Variants in CTNNB1 observed in about 807,000 individuals in gnomAD.
CTNNB1 encodes the protein catenin beta 1.
A neutral mutation model predicts 82.5 loss-of-function variants in CTNNB1; 6 were observed. The ratio of observed to expected loss-of-function variants is 0.07; its 90% CI spans 0.04 to 0.14. The LOEUF (loss-of-function observed/expected upper bound fraction) is 0.14. Ranked by LOEUF, CTNNB1 falls within the 10% of genes least tolerant of loss-of-function variation. The probability of loss-of-function intolerance (pLI) is 1.00; values close to 1 mark genes in which losing one functional copy is unlikely to be tolerated. For synonymous variants in CTNNB1, 312 were observed against 329.7 expected, an observed-to-expected ratio of 0.95 and a Z score of 0.58; for missense variants, 529 against 980.4, an observed-to-expected ratio of 0.54 and a Z score of 6.15.
At chr3:41,234,085 G>A in intron 9 of CTNNB1, 54 bp from the exon 10 acceptor site, 6 of 1,609,124 alleles carry the variant, frequency 3.7e-6, no homozygotes, top group Non-Finnish European at 5.1e-6. Flanking sequence ...GGAATTTTAG[G>A]GTAAGAAAAT....
chr3:41,211,103 T>C (rs571461938), intron 1 of CTNNB1: 7 of 456,422 alleles, frequency 1.5e-5, no homozygotes, highest in Admixed American at 1.2e-4. Context: ...CACTGTACTT[T>C]TATACAACTG....
At position 41,233,329 on chromosome 3, in the gene CTNNB1, T is replaced by C. The variant is rs184388106; in HGVS notation, c.1082-12T>C. 3 of 1,613,406 alleles carry C rather than the reference T, an allele frequency of 1.9e-6. No homozygotes were observed. In the African/African-American group the frequency reaches 4.0e-5, roughly 22 times the overall value. On this transcript the variant is annotated splice_polypyrimidine_tract_variant and intron_variant, in intron 7 of 14. Coordinates refer to ENST00000349496, the MANE Select transcript of CTNNB1 (RefSeq NM_001904.4). The stretch of plus-strand genomic sequence containing the variant: ...TAATGACTAGGGCCTTATATCCTTT[T>C]TAATTTTCTAGGTGGAATGCAAGCT...
At chr3:41,229,876 C>CTG (rs58153157) in intron 7 of CTNNB1, among the ~76,000 whole-genome samples, 8,019 of 147,138 alleles carry the variant, frequency 0.054, 247 homozygotes, top group African/African-American at 0.083. Context: ...CTCTTGGGTT[C>CTG]TGTGTGTGTG....
rs147423505 is a variant in CTNNB1, at chr3:41,207,192, A to G, written c.-49+7522A>G. 1.4e-3 allele frequency among the ~76,000 whole-genome samples: 216 copies of G among 152,314 alleles called. 1 individual carries two copies. The highest frequency in any genetic ancestry group is 4.8e-3 in the African/African-American group (198 of 41,560). ...AGGCTAGAAAGTTTACAGATGAGAT[A>G]TCTAGGAATGCCAGAAGATCAGGGG... On this transcript the variant is annotated intron_variant, in intron 1 of 14. Transcript: ENST00000349496.
rs924236044 is a variant in CTNNB1 at position 41,236,254 on chromosome 3, T to C, written c.1804-95T>C. The C allele has an allele frequency of 3.5e-6, 5 of 1,419,608 alleles. No homozygotes were observed. The African/African-American group carries it at 7.0e-5, about 20-fold the overall frequency. 87.9% of individuals were successfully genotyped at this position (1,419,608 alleles called of 1,614,324 possible). A position where few individuals can be genotyped will look rare whatever the true frequency, so the allele number is the denominator to read the frequency against. ...TTATTTACTACAGTGTGAATGCCTC[T>C]TGCACTCTGAATTGGGAATGTTTGC... On this transcript the variant is annotated intron_variant, in intron 11 of 14. Transcript: ENST00000349496.
At position 41,239,921 on chromosome 3, in the gene CTNNB1, ATTTTTTTTTT is replaced by A. The variant is rs34653633; in HGVS notation, c.*589_*598del. On this transcript the variant is annotated 3_prime_UTR_variant, in exon 15 of 15. Coordinates refer to ENST00000349496, the MANE Select transcript of CTNNB1 (RefSeq NM_001904.4). ...ATCAAACCCTAGCCTTGCTTGTTAA[ATTTTTTTTTT>A]TTTTTTTTTAAGAATATCTGTAATG... is the stretch of plus-strand genomic sequence containing the variant. The A allele has an allele frequency of 6.5e-6, 1 of 154,902 alleles. No homozygotes were observed. The highest frequency in any genetic ancestry group is 1.3e-5 in the Non-Finnish European group (1 of 78,602). 9.6% of individuals were successfully genotyped at this position (154,902 alleles called of 1,614,324 possible).
intron 1 of CTNNB1, among the ~76,000 whole-genome samples, chr3:41,218,986 G>A (rs1014508964): frequency 6.6e-6 from 1 of 152,188 alleles, no homozygotes; most frequent in African/African-American, 2.4e-5. Context: ...TAAACTATAT[G>A]AAGCATTGTT....
chr3:41,200,832 A>C (rs1271314087), intron 1 of CTNNB1, among the ~76,000 whole-genome samples: 1 of 152,164 alleles, frequency 6.6e-6, no homozygotes, highest in African/African-American at 2.4e-5. Flanking sequence ...TCCCTTTTGG[A>C]GGGAGCGTTG....
chr3:41,222,323 T>A (rs896836432), intron 1 of CTNNB1: 5 of 152,226 alleles, frequency 3.3e-5, no homozygotes, highest in African/African-American at 1.2e-4. Context: ...CATATGTGGA[T>A]CTGCCTCCAG....
At chr3:41,215,018 T>G (rs949611473) in intron 1 of CTNNB1, among the ~76,000 whole-genome samples, 1 of 152,000 alleles carries the variant, frequency 6.6e-6, no homozygotes. Context: ...TTCCTGAACC[T>G]TATTCTAGCT....
rs2078166587 is a variant in CTNNB1, at chr3:41,225,978, G to A, written c.936+117G>A. The A allele has an allele frequency of 5.6e-6, 5 of 890,130 alleles. No individual in the cohort carries two copies. The highest frequency in any genetic ancestry group is 1.4e-5 in the South Asian group (1 of 70,942). The allele number at this position is 890,130 out of a possible 1,614,324, so 55.1% of individuals were successfully genotyped here. ...CCAGGGACCAGTTTCGTGGAAAACA[G>A]TTTTTCCATGAATGGGTTGTGGGAA... On this transcript the variant is annotated intron_variant, in intron 6 of 14. Transcript: ENST00000349496. The surrounding 1 kb of genome is among the most constrained non-coding windows in gnomAD (Gnocchi z 5.3).
At position 41,223,860 on chromosome 3, in the gene CTNNB1, T is replaced by A. The variant is rs138831484; in HGVS notation, c.-48-161T>A. 123 of 580,982 alleles carry A rather than the reference T, an allele frequency of 2.1e-4. 1 individual carries two copies. The African/African-American group carries it at 2.2e-3, about 10-fold the overall frequency. 36.0% of individuals were successfully genotyped at this position (580,982 alleles called of 1,614,324 possible). On this transcript the variant is annotated intron_variant, in intron 1 of 14. Transcript: ENST00000349496. ...CAGTGATGGAGCTGTGGTTGAGGTG[T>A]CTGGAGGAGACCATGAGGTCTGCGT...
At chr3:41,214,555 G>A (rs182278897) in intron 1 of CTNNB1, among the ~76,000 whole-genome samples, 48 of 150,288 alleles carry the variant, frequency 3.2e-4, no homozygotes, top group South Asian at 6.4e-4. Context: ...AGATACTTAC[G>A]GGGGGGAACA....
At chr3:41,231,326 CAA>C (rs11377041) in intron 7 of CTNNB1, among the ~76,000 whole-genome samples, 14 of 134,934 alleles carry the variant, frequency 1.0e-4, no homozygotes, top group Non-Finnish European at 1.1e-4. Flanking sequence ...GACTCTATCT[CAA>C]AAAAAAAAAA....
intron 1 of CTNNB1, among the ~76,000 whole-genome samples, chr3:41,223,607 AC>A (rs778242886): frequency 6.6e-6 from 1 of 152,154 alleles, no homozygotes; most frequent in Non-Finnish European, 1.5e-5. Context: ...ATCCCACTGT[AC>A]CTCTGTTATC....
At chr3:41,230,624 G>T (rs2078284890) in intron 7 of CTNNB1, among the ~76,000 whole-genome samples, 1 of 152,184 alleles carries the variant, frequency 6.6e-6, no homozygotes, top group African/African-American at 2.4e-5. Context: ...AGAAATGACA[G>T]CAAATAGTGA....
chr3:41,234,313 C>G lies in CTNNB1; in HGVS notation c.1683+16C>G, dbSNP rs759545403. 2 of 1,613,766 alleles carry G rather than the reference C, an allele frequency of 1.2e-6. No homozygotes were observed. Among genetic ancestry groups the G allele is most frequent in the South Asian group, 2.2e-5 (2 of 91,070 alleles). On this transcript the variant is annotated intron_variant, in intron 10 of 14. Transcript: ENST00000349496. ...GCAATTTGTGGTAGGTAAATTCTTA[C>G]AGTGATACCTGGCTATCTAAAAGGA...
chr3:41,214,098 A>C (rs1325117431), intron 1 of CTNNB1, among the ~76,000 whole-genome samples: 1 of 152,238 alleles, frequency 6.6e-6, no homozygotes, highest in Non-Finnish European at 1.5e-5. Flanking sequence ...CTGTCCAGTC[A>C]GGGTTTTTTC....
Position 41,239,467 on chromosome 3 carries a change from A to C in CTNNB1, c.*125A>C. ...GGTTTAGGCTATTTGTAAATCTGCCACAAAAACAGGTATATACTTTGAAAG... is the reference window on the plus strand; with the variant it reads ...GGTTTAGGCTATTTGTAAATCTGCCCCAAAAACAGGTATATACTTTGAAAG... On this transcript the variant is annotated 3_prime_UTR_variant, in exon 15 of 15. Transcript: ENST00000349496. The C allele has an allele frequency of 1.3e-6, 1 of 793,408 alleles. No homozygotes were observed. Among genetic ancestry groups the C allele is most frequent in the Non-Finnish European group, 2.1e-6 (1 of 471,290 alleles). 49.1% of individuals were successfully genotyped at this position (793,408 alleles called of 1,614,324 possible).
Sources: allele counts gnomAD v4.1 joint callset (sites outside exome capture counted in the v4.1 genomes callset), GRCh38; gene constraint gnomAD v4.1.1; non-coding constraint Gnocchi (gnomAD v3.1); transcripts MANE v1.5; gene names NCBI Gene and HGNC (gene_info 2026-07-23, HGNC 2026-07-21).